PPP1R9A: variants seen among roughly 807,000 people sequenced by gnomAD.
PPP1R9A encodes the protein protein phosphatase 1 regulatory subunit 9A.
PPP1R9A carries 59 observed loss-of-function variants against 141.9 expected under a neutral mutation model. The ratio of observed to expected loss-of-function variants is 0.42; its 90% CI spans 0.34 to 0.52. PPP1R9A has a LOEUF of 0.52. PPP1R9A is among the 20% of genes least tolerant of loss of function. PPP1R9A has a pLI of 0.10. For synonymous variants in PPP1R9A, 500 were observed against 569.7 expected, an observed-to-expected ratio of 0.88 and a Z score of 1.74; for missense variants, 1,444 against 1,611.9, an observed-to-expected ratio of 0.90 and a Z score of 1.78.
intron 2 of PPP1R9A, among the ~76,000 whole-genome samples, chr7:95,056,323 T>C (rs1811491533): frequency 6.6e-6 from 1 of 152,170 alleles, no homozygotes; most frequent in Non-Finnish European, 1.5e-5. Flanking sequence ...GGAACAAGTT[T>C]ATAGACATAG....
At chr7:94,946,031 A>T (rs1795858152) in intron 2 of PPP1R9A, among the ~76,000 whole-genome samples, 1 of 152,150 alleles carries the variant, frequency 6.6e-6, no homozygotes, top group Non-Finnish European at 1.5e-5. Flanking sequence ...AAAGATTTGA[A>T]AATTTATTGT....
chr7:95,271,548 G>A (rs1238601242), intron 14 of PPP1R9A, among the ~76,000 whole-genome samples: 1 of 152,150 alleles, frequency 6.6e-6, no homozygotes, highest in African/African-American at 2.4e-5. Flanking sequence ...TAACAGAGGA[G>A]GTCATGAGCG....
At chr7:95,233,959 AG>A (rs1358851860) in intron 8 of PPP1R9A, among the ~76,000 whole-genome samples, 1 of 152,228 alleles carries the variant, frequency 6.6e-6, no homozygotes, top group Non-Finnish European at 1.5e-5. Context: ...TGCAGAAAAA[AG>A]CATTTGACAG....
intron 2 of PPP1R9A, among the ~76,000 whole-genome samples, chr7:94,938,261 T>C (rs1794975613): frequency 3.9e-5 from 6 of 152,138 alleles, no homozygotes; most frequent in Admixed American, 3.9e-4. Context: ...GCAGGTTCCT[T>C]ATGAGACCTG....
chr7:95,248,080 ATG>A (rs1378614974), intron 9 of PPP1R9A, among the ~76,000 whole-genome samples: 1 of 150,812 alleles, frequency 6.6e-6, no homozygotes, highest in Non-Finnish European at 1.5e-5. Context: ...AAAAGGGAGT[ATG>A]TATTATTAGT....
At chr7:95,037,248 G>A (rs1808557431) in intron 2 of PPP1R9A, 1 of 151,762 alleles carries the variant, frequency 6.6e-6, no homozygotes, top group Non-Finnish European at 1.5e-5. Context: ...TCCATTATTA[G>A]TAATGGAAAT....
Position 94,911,035 on chromosome 7 carries a change from T to C in PPP1R9A, c.922T>C (p.Ser308Pro). Reference protein sequence around the residue: ...QQSKEPEDSTSNQQTPDSIDK... With the variant: ...QQSKEPEDSTPNQQTPDSIDK... Reference sequence around the variant, plus strand: ...GAGCAAGGAACCCGAGGACTCCACATCTAATCAACAGACTCCCGACAGCAT... The same window carrying C: ...GAGCAAGGAACCCGAGGACTCCACACCTAATCAACAGACTCCCGACAGCAT... Residue 308 changes from serine to proline, a missense_variant, in exon 2 of 20, where the codon TCT becomes CCT. Physicochemically the swap from Ser to Pro is moderately conservative, Grantham distance 74. Transcript: ENST00000433360. The C allele has an allele frequency of 6.2e-7, 1 of 1,614,140 alleles. No homozygotes were observed. The highest frequency in any genetic ancestry group is 8.5e-7 in the Non-Finnish European group (1 of 1,180,010).
intron 5 of PPP1R9A, among the ~76,000 whole-genome samples, chr7:95,183,304 A>AT (rs1473947999): frequency 1.3e-5 from 2 of 150,246 alleles, no homozygotes; most frequent in Non-Finnish European, 3.0e-5. Context: ...CGCCTGGCTA[A>AT]TTTTTTTGTA....
chr7:94,965,472 A>C (rs1274420132), intron 2 of PPP1R9A, among the ~76,000 whole-genome samples: 1 of 152,044 alleles, frequency 6.6e-6, no homozygotes, highest in Non-Finnish European at 1.5e-5. Flanking sequence ...TTAAGTCTGT[A>C]ATCCATCTTG....
intron 2 of PPP1R9A, among the ~76,000 whole-genome samples, chr7:94,955,604 G>T (rs139903927): frequency 1.3e-5 from 2 of 152,086 alleles, no homozygotes; most frequent in African/African-American, 2.4e-5. Flanking sequence ...ACTGAAACGG[G>T]TATAGCTATT....
chr7:95,060,969 A>G (rs1030685102), intron 2 of PPP1R9A, among the ~76,000 whole-genome samples: 1 of 152,190 alleles, frequency 6.6e-6, no homozygotes, highest in African/African-American at 2.4e-5. Flanking sequence ...CACTAGTTTA[A>G]GGGGTAGATG....
At chr7:95,083,732 A>G (rs1488339126) in intron 2 of PPP1R9A, among the ~76,000 whole-genome samples, 4 of 152,024 alleles carry the variant, frequency 2.6e-5, no homozygotes, top group African/African-American at 7.3e-5. Context: ...CCTCCACAAT[A>G]AAACAGCAGC....
chr7:95,275,564 A>T (rs854531), intron 16 of PPP1R9A, among the ~76,000 whole-genome samples: 41,753 of 151,784 alleles, frequency 0.28, 6,649 homozygotes, highest in Middle Eastern at 0.49. Context: ...TGTTTTTCCA[A>T]CATACTATGC....
intron 5 of PPP1R9A, among the ~76,000 whole-genome samples, chr7:95,187,924 T>G (rs1834881455): frequency 6.6e-6 from 1 of 152,176 alleles, no homozygotes; most frequent in Admixed American, 6.5e-5. Context: ...TTTATTAATT[T>G]ATTGGTCTAT....
Position 95,269,202 on chromosome 7 carries a change from A to G in PPP1R9A, c.2824-5A>G, listed in dbSNP as rs777975242. The G allele has an allele frequency of 3.3e-6, 5 of 1,519,490 alleles. No individual in the cohort carries two copies. Among genetic ancestry groups the G allele is most frequent in the Non-Finnish European group, 4.5e-6 (5 of 1,110,464 alleles). The allele number at this position is 1,519,490 out of a possible 1,614,324, so 94.1% of individuals were successfully genotyped here. On this transcript the variant is annotated splice_polypyrimidine_tract_variant and splice_region_variant and intron_variant, in intron 13 of 19. Transcript: ENST00000433360. ...AACCTTCCTTATAATCTCTTATACC[A>G]ACAGCCATCAAACAGTTTCTATAAC...
At chr7:95,248,522 A>G (rs925108705) in intron 9 of PPP1R9A, among the ~76,000 whole-genome samples, 2 of 152,168 alleles carry the variant, frequency 1.3e-5, no homozygotes, top group Non-Finnish European at 2.9e-5. Flanking sequence ...ACAACTTGAT[A>G]CAAAACATTG....
chr7:95,144,591 G>A (rs562633613), intron 4 of PPP1R9A, among the ~76,000 whole-genome samples: 14 of 152,080 alleles, frequency 9.2e-5, no homozygotes, highest in South Asian at 2.1e-4. Context: ...GGAATGTACC[G>A]CGGCACAATA....
intron 2 of PPP1R9A, among the ~76,000 whole-genome samples, chr7:94,978,492 T>C (rs1236405802): frequency 3.3e-5 from 5 of 152,228 alleles, no homozygotes; most frequent in Admixed American, 1.3e-4. Flanking sequence ...GTATTTTTCC[T>C]AAAAACTTAC....
At chr7:95,172,311 T>A (rs1832240857) in intron 5 of PPP1R9A, among the ~76,000 whole-genome samples, 1 of 151,634 alleles carries the variant, frequency 6.6e-6, no homozygotes, top group African/African-American at 2.4e-5. Flanking sequence ...GAAGTAAAAC[T>A]CTTTATTCAC....
Sources: gnomAD v4.1 joint callset for allele counts (sites outside exome capture counted in the v4.1 genomes callset) on GRCh38, gnomAD v4.1.1 for gene constraint, MANE v1.5 for transcripts, NCBI Gene and HGNC (gene_info 2026-07-23, HGNC 2026-07-21) for gene names.